The following PRKAG2 variants were observed in gnomAD, a reference collection of about 807,000 sequenced individuals.
PRKAG2 encodes the protein 5'-AMP-activated protein kinase subunit gamma-2.
PRKAG2 carries 26 observed loss-of-function variants against 69.6 expected under a neutral mutation model. The ratio of observed to expected loss-of-function variants is 0.37; its 90% CI spans 0.27 to 0.52. The LOEUF is 0.52. Ranked by LOEUF, PRKAG2 falls within the 20% of genes least tolerant of loss-of-function variation. PRKAG2 has a pLI of 0.90. For missense variants in PRKAG2, 557 were observed against 740.0 expected (o/e 0.75, Z 2.87); for synonymous variants, 293 against 285.0 (o/e 1.03, Z -0.28).
chr7:151,559,962 C>CT, intron 15 of PRKAG2: 1 of 985,412 alleles, frequency 1.0e-6, no homozygotes, highest in African/African-American at 1.7e-5. Context: ...CTCTCCCGTT[C>CT]TCTCTGCTCC....
At chr7:151,821,456 G>A (rs754077873) in intron 1 of PRKAG2, among the ~76,000 whole-genome samples, 2 of 152,182 alleles carry the variant, frequency 1.3e-5, no homozygotes, top group African/African-American at 2.4e-5. Flanking sequence ...CAGGTGCTCC[G>A]GGGCTGAATG....
At chr7:151,557,631 A>C (rs749681223) in intron 15 of PRKAG2, 1 of 874,746 alleles carries the variant, frequency 1.1e-6, no homozygotes, top group Non-Finnish European at 1.4e-6. Context: ...GCACTTTGGG[A>C]GGCCGAGGCG....
chr7:151,671,897 G>C (rs1832098058), intron 4 of PRKAG2, among the ~76,000 whole-genome samples: 1 of 152,244 alleles, frequency 6.6e-6, no homozygotes, highest in Non-Finnish European at 1.5e-5. Flanking sequence ...CAAAATGTAA[G>C]TGGGGAGCCT....
chr7:151,561,163 A>G (rs78551428), intron 14 of PRKAG2, among the ~76,000 whole-genome samples: 4,592 of 152,280 alleles, frequency 0.03, 173 homozygotes, highest in East Asian at 0.16. Context: ...CTCTAATTCA[A>G]GCTGATTTGC....
intron 3 of PRKAG2, among the ~76,000 whole-genome samples, chr7:151,684,305 A>G (rs1834342661): frequency 6.6e-6 from 1 of 152,100 alleles, no homozygotes; most frequent in African/African-American, 2.4e-5. Context: ...TCCTGCCCCC[A>G]ACGATACAGT....
intron 3 of PRKAG2, among the ~76,000 whole-genome samples, chr7:151,742,039 A>C (rs924120215): frequency 2.6e-5 from 4 of 152,204 alleles, no homozygotes; most frequent in African/African-American, 9.7e-5. Context: ...TTAACATTTC[A>C]TTGAAATTGA....
Position 151,669,758 on chromosome 7 carries a change from ACACACACCTGTGCACACACTTGCACG to A in PRKAG2, c.684+5636_684+5661del, listed in dbSNP as rs1166838299. On this transcript the variant is annotated intron_variant, in intron 4 of 15. Coordinates refer to ENST00000287878, the MANE Select transcript of PRKAG2 (RefSeq NM_016203.4). Reference sequence around the variant, plus strand: ...CACACCTGTGCACACACCTGCATGCACACACACCTGTGCACACACTTGCACGCACACACCTGTGCACACACTTGCAC... The same window carrying A: ...CACACCTGTGCACACACCTGCATGCACACACACCTGTGCACACACTTGCAC... Among the ~76,000 whole-genome samples the A allele has an allele frequency of 7.9e-5, 12 of 152,014 alleles. No homozygotes were observed. In the South Asian group the frequency reaches 8.3e-4, roughly 11 times the overall value.
intron 1 of PRKAG2, chr7:151,806,696 A>C: frequency 4.2e-6 from 1 of 236,636 alleles, no homozygotes; most frequent in South Asian, 4.7e-5. Context: ...GGCTGGGTAC[A>C]GTGGCTCACA....
chr7:151,727,959 A>T (rs1365604684), intron 3 of PRKAG2, among the ~76,000 whole-genome samples: 1 of 152,116 alleles, frequency 6.6e-6, no homozygotes, highest in African/African-American at 2.4e-5. Context: ...TCTTAGCCTC[A>T]GGGCCCTGGG....
chr7:151,825,715 C>G (rs920849954), intron 1 of PRKAG2, among the ~76,000 whole-genome samples: 1 of 152,214 alleles, frequency 6.6e-6, no homozygotes, highest in Non-Finnish European at 1.5e-5. Context: ...TCTCCTTTCA[C>G]GTCCCATCCC....
rs866871038 is a variant in PRKAG2 at position 151,639,756 on chromosome 7, T to C, written c.685-7618A>G. On this transcript the variant is annotated intron_variant, in intron 4 of 15. Coordinates refer to ENST00000287878, the MANE Select transcript of PRKAG2 (RefSeq NM_016203.4). ...TCTCTAGTTCTGAGGCTTTCAGACT[T>C]GGACTGAGCCACGCTACCATTACCT... Among the ~76,000 whole-genome samples the C allele has an allele frequency of 3.3e-5, 5 of 152,272 alleles. No homozygotes were observed. The Middle Eastern group carries it at 0.01, about 311-fold the overall frequency.
At chr7:151,799,469 G>A (rs1165354159) in intron 1 of PRKAG2, among the ~76,000 whole-genome samples, 12 of 152,206 alleles carry the variant, frequency 7.9e-5, no homozygotes. Flanking sequence ...AAGCCACTTG[G>A]GTTCTGCGGG....
intron 1 of PRKAG2, among the ~76,000 whole-genome samples, chr7:151,819,242 AC>A (rs1363961844): frequency 6.6e-6 from 1 of 152,190 alleles, no homozygotes; most frequent in Non-Finnish European, 1.5e-5. Context: ...CGGTCCTAAC[AC>A]CTCTGGGTCC....
intron 1 of PRKAG2, among the ~76,000 whole-genome samples, chr7:151,861,527 C>CAAAAAAAAAAAAAAAAAAAA (rs1563762540): frequency 1.7e-5 from 1 of 60,396 alleles, no homozygotes; most frequent in African/African-American, 6.8e-5. Context: ...GACTCTGTCT[C>CAAAAAAAAAAAAAAAAAAAA]CAAAAAAAAA....
chr7:151,751,508 T>C (rs4725427), intron 3 of PRKAG2, among the ~76,000 whole-genome samples: 8,561 of 151,546 alleles, frequency 0.056, 400 homozygotes, highest in African/African-American at 0.12. Flanking sequence ...TTATTATTTA[T>C]TTATTTATTT....
chr7:151,685,979 G>A (rs762385710), intron 3 of PRKAG2, among the ~76,000 whole-genome samples: 11 of 152,100 alleles, frequency 7.2e-5, no homozygotes, highest in Non-Finnish European at 1.3e-4. Context: ...ATCTGCTAGT[G>A]CCCTCTTTCC....
chr7:151,774,888 A>T (rs1177706908), intron 3 of PRKAG2, among the ~76,000 whole-genome samples: 1 of 152,226 alleles, frequency 6.6e-6, no homozygotes, highest in Non-Finnish European at 1.5e-5. Flanking sequence ...GCCTGTCAAC[A>T]CTTTAGATTC....
rs564923974 is a variant in PRKAG2 at position 151,777,181 on chromosome 7, A to G, written c.466+3971T>C. On this transcript the variant is annotated intron_variant, in intron 3 of 15. Coordinates refer to ENST00000287878, the MANE Select transcript of PRKAG2 (RefSeq NM_016203.4). The surrounding 1 kb of genome is among the most constrained non-coding windows in gnomAD (Gnocchi z 4.3). ...AATGGAAGGGGCCATGGCCAGGTTC[A>G]GCATGGGCCCCGAGGTCTAGCTCTT... Among the ~76,000 whole-genome samples, 3 of 152,310 alleles carry G rather than the reference A, an allele frequency of 2.0e-5. No homozygotes were observed. Among genetic ancestry groups the G allele is most frequent in the East Asian group, 1.9e-4 (1 of 5,170 alleles).
intron 1 of PRKAG2, among the ~76,000 whole-genome samples, chr7:151,845,621 A>T (rs1167517297): frequency 1.3e-5 from 2 of 152,136 alleles, no homozygotes; most frequent in Non-Finnish European, 2.9e-5. Context: ...CTGGGAAGGG[A>T]AAGGCGGTGG....
Sources: allele counts gnomAD v4.1 joint callset (sites outside exome capture counted in the v4.1 genomes callset), GRCh38; gene constraint gnomAD v4.1.1; non-coding constraint Gnocchi (gnomAD v3.1); transcripts MANE v1.5; gene names NCBI Gene and HGNC (gene_info 2026-07-23, HGNC 2026-07-21).